XKR4: variants seen among roughly 807,000 people sequenced by gnomAD.
The protein encoded by XKR4 is XK related 4, also known as XK-related protein 4.
XKR4 carries 12 observed loss-of-function variants against 53.9 expected under a neutral mutation model. That is an observed-to-expected ratio of 0.22 (90% confidence interval 0.14 to 0.36). The LOEUF (loss-of-function observed/expected upper bound fraction) is 0.36. Ranked by LOEUF, XKR4 falls within the 10% of genes least tolerant of loss-of-function variation. The pLI, the probability that XKR4 is intolerant of heterozygous loss-of-function variation, is 1.00. For missense variants in XKR4, 799 were observed against 859.5 expected (o/e 0.93, Z 0.88); for synonymous variants, 354 against 362.4 (o/e 0.98, Z 0.26).
At chr8:55,437,855 A>C (rs1046212664) in intron 2 of XKR4, among the ~76,000 whole-genome samples, 8 of 152,130 alleles carry the variant, frequency 5.3e-5, no homozygotes, top group African/African-American at 1.9e-4. Context: ...AGTGTAAATA[A>C]TCATGGCCAT....
intron 1 of XKR4, among the ~76,000 whole-genome samples, chr8:55,160,983 C>A (rs934970036): frequency 2.0e-5 from 3 of 152,184 alleles, no homozygotes; most frequent in Non-Finnish European, 1.5e-5. Context: ...AAAGGAAAGA[C>A]AAGGGTGCTT....
chr8:55,430,784 G>T (rs1011943670), intron 2 of XKR4, among the ~76,000 whole-genome samples: 3 of 152,186 alleles, frequency 2.0e-5, no homozygotes, highest in Admixed American at 2.0e-4. Flanking sequence ...TTGGCTTGTA[G>T]CTGCCTGTCT....
chr8:55,428,818 T>G (rs1805056541), intron 2 of XKR4, among the ~76,000 whole-genome samples: 1 of 152,228 alleles, frequency 6.6e-6, no homozygotes, highest in African/African-American at 2.4e-5. Context: ...TTCATTAATT[T>G]TAAGACTCAA....
At chr8:55,150,948 C>T (rs1001775136) in intron 1 of XKR4, among the ~76,000 whole-genome samples, 6 of 152,154 alleles carry the variant, frequency 3.9e-5, no homozygotes, top group Admixed American at 6.5e-5. Context: ...TGCACCATTC[C>T]GTCTAACCTT....
Position 55,523,604 on chromosome 8 carries a change from A to G in XKR4, c.1330A>G (p.Ser444Gly). Residue 444 changes from serine to glycine, a missense_variant, in exon 3 of 3, where the codon AGT (serine) becomes GGT (glycine). Coordinates refer to ENST00000327381, the MANE Select transcript of XKR4 (RefSeq NM_052898.2). ...GGTGGTGGGGATTATCTATATCTTC[A>G]GTTGGTTCAATGTCAAGGAAGGCAG... ...DMVVGIIYIF[S>G]WFNVKEGRTR... 2 of 1,614,132 alleles carry G rather than the reference A, an allele frequency of 1.2e-6. No individual in the cohort carries two copies. The highest frequency in any genetic ancestry group is 1.7e-6 in the Non-Finnish European group (2 of 1,180,020).
At chr8:55,415,014 G>A (rs1449778562) in intron 2 of XKR4, among the ~76,000 whole-genome samples, 4 of 152,222 alleles carry the variant, frequency 2.6e-5, no homozygotes, top group Non-Finnish European at 4.4e-5. Context: ...ACCTAGGTGT[G>A]CAGGATAGCT....
At chr8:55,240,098 C>T (rs1047597320) in intron 1 of XKR4, among the ~76,000 whole-genome samples, 1 of 152,172 alleles carries the variant, frequency 6.6e-6, no homozygotes, top group Non-Finnish European at 1.5e-5. Flanking sequence ...GGGTCATGTT[C>T]TTGTCCCCAG....
At chr8:55,284,750 C>T (rs1223862578) in intron 1 of XKR4, among the ~76,000 whole-genome samples, 1 of 152,204 alleles carries the variant, frequency 6.6e-6, no homozygotes, top group Non-Finnish European at 1.5e-5. Flanking sequence ...AGAAGCAAGT[C>T]ACGAGTCCCA....
rs1437975105 is a variant in XKR4, at chr8:55,127,851, A to G, written c.806+24557A>G. 4.6e-5 allele frequency among the ~76,000 whole-genome samples: 7 copies of G among 151,036 alleles called. No homozygotes were observed. The South Asian group carries it at 8.4e-4, about 18-fold the overall frequency. Reference sequence around the variant, plus strand: ...TGGTGTTTGGTTTTCTGTCCTTGCGATAGTTTGCTGAGAATGATGGTTTCC... The same window carrying G: ...TGGTGTTTGGTTTTCTGTCCTTGCGGTAGTTTGCTGAGAATGATGGTTTCC... On this transcript the variant is annotated intron_variant, in intron 1 of 2. Transcript: ENST00000327381.
At chr8:55,304,413 C>A (rs1192915259) in intron 1 of XKR4, among the ~76,000 whole-genome samples, 2 of 152,148 alleles carry the variant, frequency 1.3e-5, no homozygotes, top group Non-Finnish European at 2.9e-5. Context: ...TGCTTTACTT[C>A]CAACTATGTG....
chr8:55,198,726 A>C (rs1440309089), intron 1 of XKR4, among the ~76,000 whole-genome samples: 2 of 152,198 alleles, frequency 1.3e-5, no homozygotes, highest in Non-Finnish European at 2.9e-5. Flanking sequence ...ATAAATAACA[A>C]TCATTACAAT....
chr8:55,417,620 A>T (rs1391117567), intron 2 of XKR4, among the ~76,000 whole-genome samples: 2 of 152,208 alleles, frequency 1.3e-5, no homozygotes, highest in Non-Finnish European at 2.9e-5. Context: ...ATTTTGCTGG[A>T]TGTATGTGAA....
chr8:55,205,924 G>A (rs919987149), intron 1 of XKR4, among the ~76,000 whole-genome samples: 42 of 152,150 alleles, frequency 2.8e-4, no homozygotes, highest in Admixed American at 1.0e-3. Context: ...AGATGTGTCC[G>A]GAGTTTCTTC....
chr8:55,356,923 A>C (rs1372567103), intron 1 of XKR4, among the ~76,000 whole-genome samples: 5 of 152,174 alleles, frequency 3.3e-5, no homozygotes, highest in Non-Finnish European at 5.9e-5. Flanking sequence ...CTTCAACTTA[A>C]TAGATAGTTA....
chr8:55,232,981 T>C (rs1448539368), intron 1 of XKR4, among the ~76,000 whole-genome samples: 1 of 152,250 alleles, frequency 6.6e-6, no homozygotes, highest in African/African-American at 2.4e-5. Context: ...ATGTATTTGC[T>C]GCCCACTGTA....
chr8:55,197,147 C>T (rs1817516721), intron 1 of XKR4, among the ~76,000 whole-genome samples: 1 of 152,192 alleles, frequency 6.6e-6, no homozygotes, highest in Admixed American at 6.5e-5. Context: ...GATAATGCCA[C>T]TGATGCTTTG....
intron 1 of XKR4, among the ~76,000 whole-genome samples, chr8:55,195,639 T>C (rs979728012): frequency 6.6e-6 from 1 of 152,186 alleles, no homozygotes; most frequent in Non-Finnish European, 1.5e-5. Context: ...TGGAAACCAT[T>C]GCAAAATTAA....
intron 1 of XKR4, among the ~76,000 whole-genome samples, chr8:55,230,363 C>CTT (rs5891564): frequency 0.16 from 22,152 of 138,276 alleles, 2,206 homozygotes; most frequent in Non-Finnish European, 0.2. Context: ...GAAAGAGACA[C>CTT]TTTTTTTTTT....
At chr8:55,486,564 A>G (rs145603880) in intron 2 of XKR4, among the ~76,000 whole-genome samples, 10 of 152,248 alleles carry the variant, frequency 6.6e-5, no homozygotes, top group Non-Finnish European at 7.3e-5. Flanking sequence ...GCCAGTTGGC[A>G]TTATGTGTGA....
Sources: allele counts gnomAD v4.1 joint callset (sites outside exome capture counted in the v4.1 genomes callset), GRCh38; gene constraint gnomAD v4.1.1; transcripts MANE v1.5; gene names NCBI Gene and HGNC (gene_info 2026-07-23, HGNC 2026-07-21).